Variants in AP2A2 observed in about 807,000 individuals in gnomAD.
AP2A2 encodes the protein adaptor related protein complex 2 subunit alpha 2.
A neutral mutation model predicts 104.2 loss-of-function variants in AP2A2; 32 were observed. The observed-to-expected ratio is 0.31, with a 90% CI of 0.23 to 0.41. The LOEUF is 0.41. AP2A2 is among the 10% of genes least tolerant of loss of function. AP2A2 has a pLI of 1.00. For synonymous variants in AP2A2, 539 were observed against 533.3 expected, an observed-to-expected ratio of 1.01 and a Z score of -0.15; for missense variants, 912 against 1,261.0, an observed-to-expected ratio of 0.72 and a Z score of 4.19.
intron 1 of AP2A2, among the ~76,000 whole-genome samples, chr11:956,000 C>T (rs1423226801): frequency 6.6e-6 from 1 of 152,104 alleles, no homozygotes; most frequent in Non-Finnish European, 1.5e-5. Context: ...ACCAAAGACT[C>T]ACTTGAGAAG....
chr11:985,308 G>A (rs929167545), intron 7 of AP2A2, 127 bp from the exon 8 acceptor site: 1 of 1,275,396 alleles, frequency 7.8e-7, no homozygotes. Flanking sequence ...AATGCTTCCA[G>A]CTGGGTACAC....
rs772331032 is a variant in AP2A2 at position 1,011,580 on chromosome 11, C to T, written c.*955C>T. On this transcript the variant is annotated 3_prime_UTR_variant, in exon 22 of 22. Coordinates refer to ENST00000448903, the MANE Select transcript of AP2A2 (RefSeq NM_012305.4). ...TTGTGTCTCACCTGTCATCTGGACT[C>T]AGCACCCAGGCTGCACGTCTGACAC... is the stretch of plus-strand genomic sequence containing the variant. 2.2e-6 allele frequency: 1 copy of T among 444,940 alleles called. No individual in the cohort carries two copies. The highest frequency in any genetic ancestry group is 1.6e-5 in the South Asian group (1 of 62,300). 27.6% of individuals were successfully genotyped at this position (444,940 alleles called of 1,614,324 possible). A position where few individuals can be genotyped will look rare whatever the true frequency, so the allele number is the denominator to read the frequency against.
Position 972,048 on chromosome 11 carries a change from CTT to C in AP2A2, c.280-11_280-10del. ...TGTCATGAGCTTTCTCTTCTCCTGT[CTT>C]TTGGAACGCAGGGCTACCTTTTCAT... On this transcript the variant is annotated splice_polypyrimidine_tract_variant and intron_variant, in intron 3 of 21. Coordinates refer to ENST00000448903, the MANE Select transcript of AP2A2 (RefSeq NM_012305.4). 4 of 1,607,062 alleles carry C rather than the reference CTT, an allele frequency of 2.5e-6. No homozygotes were observed. The highest frequency in any genetic ancestry group is 3.4e-6 in the Non-Finnish European group (4 of 1,176,384).
intron 1 of AP2A2, among the ~76,000 whole-genome samples, chr11:957,959 T>C (rs1854291400): frequency 6.6e-6 from 1 of 152,256 alleles, no homozygotes; most frequent in African/African-American, 2.4e-5. Context: ...CAGTGGATAT[T>C]TACGGAACAA....
At position 1,010,772 on chromosome 11, in the gene AP2A2, T is replaced by G; in HGVS notation, c.*147T>G. 1.4e-6 allele frequency: 1 copy of G among 729,090 alleles called. No homozygotes were observed. The allele number at this position is 729,090 out of a possible 1,614,324, so 45.2% of individuals were successfully genotyped here. Reference sequence around the variant, plus strand: ...CCCGCCGCCCCACACCTCTCCCCTTTGGGCTGGACGGGAACACACGTGTGT... The same window carrying G: ...CCCGCCGCCCCACACCTCTCCCCTTGGGGCTGGACGGGAACACACGTGTGT... On this transcript the variant is annotated 3_prime_UTR_variant, in exon 22 of 22. Coordinates refer to ENST00000448903, the MANE Select transcript of AP2A2 (RefSeq NM_012305.4).
intron 9 of AP2A2, among the ~76,000 whole-genome samples, chr11:987,363 G>A (rs899211359): frequency 6.6e-6 from 1 of 152,218 alleles, no homozygotes; most frequent in Non-Finnish European, 1.5e-5. Flanking sequence ...AAATTTCAGA[G>A]TTGGGGCCGG....
chr11:936,840 G>T (rs1358112279), intron 1 of AP2A2, among the ~76,000 whole-genome samples: 3 of 152,118 alleles, frequency 2.0e-5, no homozygotes, highest in East Asian at 3.9e-4. Context: ...ACCGCAGCCT[G>T]TAGTCTGGGG....
rs372004791 is a variant in AP2A2, at chr11:993,402, C to G, written c.1550+21C>G. 2 of 1,585,706 alleles carry G rather than the reference C, an allele frequency of 1.3e-6. No individual in the cohort carries two copies. Among genetic ancestry groups the G allele is most frequent in the Admixed American group, 1.8e-5 (1 of 55,196 alleles). Reference sequence around the variant, plus strand: ...TCCAGGTGAGAGGCCCTTTGCGAGTCGGGGCTGTGTGCGCTCCGGCGGGCC... The same window carrying G: ...TCCAGGTGAGAGGCCCTTTGCGAGTGGGGGCTGTGTGCGCTCCGGCGGGCC... On this transcript the variant is annotated intron_variant, in intron 12 of 21. Transcript: ENST00000448903. This position sits in a 1 kb window ranked among gnomAD's most constrained non-coding sequence, Gnocchi z 8.2.
At chr11:939,211 A>G (rs1170358216) in intron 1 of AP2A2, among the ~76,000 whole-genome samples, 9 of 145,994 alleles carry the variant, frequency 6.2e-5, no homozygotes, top group Non-Finnish European at 9.0e-5. Context: ...AGATCGCACC[A>G]TTGCACTCCA....
intron 3 of AP2A2, among the ~76,000 whole-genome samples, chr11:970,544 C>T (rs1854783528): frequency 6.6e-6 from 1 of 152,280 alleles, no homozygotes; most frequent in Non-Finnish European, 1.5e-5. Flanking sequence ...GATGCCCTCA[C>T]AGGGTTCCTC....
intron 16 of AP2A2, among the ~76,000 whole-genome samples, chr11:1,004,882 C>T (rs999596258): frequency 9.9e-5 from 15 of 151,930 alleles, no homozygotes; most frequent in Admixed American, 3.9e-4. Flanking sequence ...GAGCCTTGTA[C>T]GCCGCTGGTG....
chr11:972,878 G>A (rs1477493353), intron 4 of AP2A2, among the ~76,000 whole-genome samples: 2 of 152,252 alleles, frequency 1.3e-5, no homozygotes, highest in Admixed American at 6.5e-5. Context: ...CCTCGTGCCC[G>A]TTCCCCAGGG....
rs1306574345 is a variant in AP2A2, at chr11:1,011,314, G to A, written c.*689G>A. ...CCTTGGATGTGCAGCCAGGGGAGGA[G>A]CGTCCTGCCGGCCCCGCAGGGCCCC... On this transcript the variant is annotated 3_prime_UTR_variant, in exon 22 of 22. Coordinates refer to ENST00000448903, the MANE Select transcript of AP2A2 (RefSeq NM_012305.4). The A allele has an allele frequency of 3.9e-6, 2 of 518,680 alleles. No individual in the cohort carries two copies. The highest frequency in any genetic ancestry group is 7.7e-6 in the Non-Finnish European group (2 of 259,852). The allele number at this position is 518,680 out of a possible 1,614,324, so 32.1% of individuals were successfully genotyped here.
intron 6 of AP2A2, among the ~76,000 whole-genome samples, chr11:982,239 T>C (rs1482294293): frequency 6.6e-6 from 1 of 152,108 alleles, no homozygotes. Flanking sequence ...TTAGCAGAGA[T>C]GAGGTTTCAC....
intron 14 of AP2A2, among the ~76,000 whole-genome samples, chr11:994,719 C>T (rs1277087621): frequency 8.4e-5 from 12 of 142,870 alleles, no homozygotes; most frequent in South Asian, 2.3e-4. Flanking sequence ...TGTCCTGTCC[C>T]GGGGGCCACT....
intron 1 of AP2A2, among the ~76,000 whole-genome samples, chr11:950,299 C>T (rs1589957416): frequency 6.7e-6 from 1 of 149,408 alleles, no homozygotes; most frequent in Middle Eastern, 3.5e-3. Context: ...GTTTCTGTGA[C>T]TTTGGAATAT....
rs1855738705 is a variant in AP2A2 at position 993,635 on chromosome 11, C to T, written c.1551-119C>T. 4 of 769,732 alleles carry T rather than the reference C, an allele frequency of 5.2e-6. No homozygotes were observed. Among genetic ancestry groups the T allele is most frequent in the Non-Finnish European group, 8.3e-6 (4 of 481,208 alleles). 47.7% of individuals were successfully genotyped at this position (769,732 alleles called of 1,614,324 possible). ...GTGGGATCTGGAGCTGGAAGAGGGT[C>T]CCGACCAGCGGCCTCTGGTGCAGGC... On this transcript the variant is annotated intron_variant, in intron 12 of 21. Transcript: ENST00000448903. The surrounding 1 kb of genome is among the most constrained non-coding windows in gnomAD (Gnocchi z 8.2).
intron 6 of AP2A2, among the ~76,000 whole-genome samples, chr11:981,999 A>G (rs1208880398): frequency 6.6e-6 from 1 of 152,254 alleles, no homozygotes; most frequent in South Asian, 2.1e-4. Context: ...GCGTAGTGCT[A>G]GTCTCTTGGG....
chr11:992,418 C>T lies in AP2A2; in HGVS notation c.1270-85C>T. 2.2e-6 allele frequency: 3 copies of T among 1,392,782 alleles called. No homozygotes were observed. Among genetic ancestry groups the T allele is most frequent in the Non-Finnish European group, 3.0e-6 (3 of 1,006,100 alleles). 86.3% of individuals were successfully genotyped at this position (1,392,782 alleles called of 1,614,324 possible). ...TAGACACATTGAGGTGCTTCTGAAA[C>T]TCTCACTTTGACTTTGGACGACAGT... On this transcript the variant is annotated intron_variant, in intron 10 of 21. Coordinates refer to ENST00000448903, the MANE Select transcript of AP2A2 (RefSeq NM_012305.4). This position sits in a 1 kb window ranked among gnomAD's most constrained non-coding sequence, Gnocchi z 6.4.
Sources: gnomAD v4.1 joint callset for allele counts (sites outside exome capture counted in the v4.1 genomes callset) on GRCh38, gnomAD v4.1.1 for gene constraint, Gnocchi (gnomAD v3.1) non-coding constraint, MANE v1.5 for transcripts, NCBI Gene and HGNC (gene_info 2026-07-23, HGNC 2026-07-21) for gene names.